Variants in CD164 observed in about 807,000 individuals in gnomAD.
CD164 encodes CD164 molecule, also known as sialomucin core protein 24.
Under a neutral mutation model 24.6 loss-of-function variants are expected in CD164, and 11 were observed. The observed-to-expected ratio is 0.45, with a 90% CI of 0.28 to 0.74. CD164 has a LOEUF of 0.74. Among genes scored for constraint, CD164 ranks in the 30% least tolerant of loss-of-function variants. The pLI is 0.13. For synonymous variants in CD164, 126 were observed against 100.3 expected (o/e 1.26, Z -1.53); for missense variants, 295 against 243.7 (o/e 1.21, Z -1.40).
In CD164 at chr6:109,366,624, G is replaced by C. The variant is rs921207905; in HGVS notation, c.*2227C>G. Reference sequence around the variant, plus strand: ...GAAATGTCTAAATACAGCAGTATCTGCCTGTGCAACAAATATCTGTAAGGT... The same window carrying C: ...GAAATGTCTAAATACAGCAGTATCTCCCTGTGCAACAAATATCTGTAAGGT... On this transcript the variant is annotated 3_prime_UTR_variant, in exon 6 of 6. Transcript: ENST00000310786. 3 of 152,668 alleles carry C rather than the reference G, an allele frequency of 2.0e-5. No individual in the cohort carries two copies. The highest frequency in any genetic ancestry group is 3.4e-3 in the Middle Eastern group (1 of 294). 9.5% of individuals were successfully genotyped at this position (152,668 alleles called of 1,614,324 possible).
chr6:109,372,044 A>G (rs1000960531), intron 4 of CD164: 4 of 152,262 alleles, frequency 2.6e-5, no homozygotes, highest in African/African-American at 7.2e-5. Flanking sequence ...TTTAAAGTAC[A>G]TAACTGAACA....
chr6:109,377,040 G>A (rs532764144), intron 3 of CD164, among the ~76,000 whole-genome samples: 30 of 152,200 alleles, frequency 2.0e-4, no homozygotes, highest in Admixed American at 1.8e-3. Flanking sequence ...GGGAGGCTGA[G>A]GCAGAAGGAT....
At chr6:109,369,428 A>T (rs971659356) in intron 5 of CD164, among the ~76,000 whole-genome samples, 1 of 152,224 alleles carries the variant, frequency 6.6e-6, no homozygotes. Context: ...ATTTGGTTGC[A>T]ATTTTTCATG....
At chr6:109,375,791 A>G (rs1029823042) in intron 4 of CD164, 11 of 323,482 alleles carry the variant, frequency 3.4e-5, no homozygotes, top group South Asian at 8.5e-5. Context: ...TTAGGCTTCT[A>G]TATTTCCCAA....
chr6:109,371,295 G>C (rs1771063762), intron 4 of CD164: 1 of 151,438 alleles, frequency 6.6e-6, no homozygotes, highest in Non-Finnish European at 1.5e-5. Flanking sequence ...CTGTCACCCA[G>C]ACTGGAGTGC....
At chr6:109,369,163 T>C (rs1770945442) in intron 5 of CD164, 146 bp from the exon 6 acceptor site, 2 of 706,776 alleles carry the variant, frequency 2.8e-6, no homozygotes, top group Non-Finnish European at 4.7e-6. Flanking sequence ...TTATCCCTAA[T>C]TGAGGAAGAC....
At position 109,381,550 on chromosome 6, in the gene CD164, C is replaced by T. The variant is rs1254477572; in HGVS notation, c.175+654G>A. On this transcript the variant is annotated intron_variant, in intron 1 of 5. Coordinates refer to ENST00000310786, the MANE Select transcript of CD164 (RefSeq NM_006016.6). ...ACGTACGCAAAACACCCGGTACATA[C>T]ATGGGTACTTTTCTTCCTTTTCGCA... 4 of 702,610 alleles carry T rather than the reference C, an allele frequency of 5.7e-6. No homozygotes were observed. In the East Asian group the frequency reaches 1.1e-4, roughly 19 times the overall value. The allele number at this position is 702,610 out of a possible 1,614,324, so 43.5% of individuals were successfully genotyped here. A position where few individuals can be genotyped will look rare whatever the true frequency, so the allele number is the denominator to read the frequency against.
chr6:109,381,957 T>C (rs1463052988), intron 1 of CD164: 2 of 378,268 alleles, frequency 5.3e-6, no homozygotes, highest in South Asian at 1.5e-4. Flanking sequence ...TTGCAACACT[T>C]CGAGGGGGGC....
intron 4 of CD164, 170 bp downstream of exon 4, chr6:109,375,904 A>C: frequency 3.5e-6 from 2 of 572,810 alleles, no homozygotes; most frequent in South Asian, 4.7e-5. Flanking sequence ...GCTATGTGTC[A>C]CTGTCACAAA....
chr6:109,382,018 TC>T lies in CD164; in HGVS notation c.175+185del, dbSNP rs1213207397. 3 of 447,450 alleles carry T rather than the reference TC, an allele frequency of 6.7e-6. No homozygotes were observed. In the East Asian group the frequency reaches 1.2e-4, roughly 18 times the overall value. The allele number at this position is 447,450 out of a possible 1,614,324, so 27.7% of individuals were successfully genotyped here. A position where few individuals can be genotyped will look rare whatever the true frequency, so the allele number is the denominator to read the frequency against. On this transcript the variant is annotated intron_variant, in intron 1 of 5. Coordinates refer to ENST00000310786, the MANE Select transcript of CD164 (RefSeq NM_006016.6). ...GCGCGTCCGCTTCCCCCCAGCGCGC[TC>T]CCCACCCGGCCCGGCCACGAGTGGA...
chr6:109,369,156 T>A lies in CD164; in HGVS notation c.428-139A>T, dbSNP rs1166701398. 3 of 735,632 alleles carry A rather than the reference T, an allele frequency of 4.1e-6. No homozygotes were observed. In the African/African-American group the frequency reaches 5.4e-5, roughly 13 times the overall value. 45.6% of individuals were successfully genotyped at this position (735,632 alleles called of 1,614,324 possible). ...CTCAAGTCTTTACAGCTAGAATTTA[T>A]CCCTAATTGAGGAAGACAACCATAT... On this transcript the variant is annotated intron_variant, in intron 5 of 5. Coordinates refer to ENST00000310786, the MANE Select transcript of CD164 (RefSeq NM_006016.6).
intron 2 of CD164, among the ~76,000 whole-genome samples, chr6:109,378,781 C>A (rs543977324): frequency 6.6e-6 from 1 of 151,864 alleles, no homozygotes; most frequent in Admixed American, 6.5e-5. Context: ...TAATTTGGCC[C>A]AATTTAGTTA....
chr6:109,382,069 G>A lies in CD164; in HGVS notation c.175+135C>T, dbSNP rs1040534022. ...ACTCCAGGCTGGCCGCCATGTTGCC[G>A]GAGTCGCCGCCGCACCCCGAGCGCG... On this transcript the variant is annotated intron_variant, in intron 1 of 5. Transcript: ENST00000310786. 69 of 707,494 alleles carry A rather than the reference G, an allele frequency of 9.8e-5. 1 individual carries two copies. Among genetic ancestry groups the A allele is most frequent in the Middle Eastern group, 9.2e-4 (2 of 2,184 alleles). The allele number at this position is 707,494 out of a possible 1,614,324, so 43.8% of individuals were successfully genotyped here. A position where few individuals can be genotyped will look rare whatever the true frequency, so the allele number is the denominator to read the frequency against.
At chr6:109,381,867 C>T (rs1697120237) in intron 1 of CD164, 1 of 486,334 alleles carries the variant, frequency 2.1e-6, no homozygotes, top group African/African-American at 2.0e-5. Context: ...ACCGCTGCCC[C>T]CGCGGAAGGA....
intron 4 of CD164, among the ~76,000 whole-genome samples, chr6:109,373,963 CG>C (rs1562238645): frequency 6.6e-6 from 1 of 152,206 alleles, no homozygotes. Context: ...CACACCACTG[CG>C]TAAGTGTTTC....
intron 1 of CD164, chr6:109,381,685 A>T (rs1035555229): frequency 1.5e-6 from 1 of 668,290 alleles, no homozygotes; most frequent in African/African-American, 1.8e-5. Context: ...CTCAGACTCA[A>T]GTCTGAGACA....
chr6:109,373,754 A>AT (rs1771236563), intron 4 of CD164, among the ~76,000 whole-genome samples: 1 of 152,230 alleles, frequency 6.6e-6, no homozygotes, highest in Non-Finnish European at 1.5e-5. Flanking sequence ...AATGTCTTCT[A>AT]ATGAGTGTTA....
chr6:109,374,860 C>A (rs1771305734), intron 4 of CD164, among the ~76,000 whole-genome samples: 1 of 152,220 alleles, frequency 6.6e-6, no homozygotes, highest in Non-Finnish European at 1.5e-5. Context: ...GCTATCACCA[C>A]ATCTGCATCC....
At chr6:109,380,081 T>C (rs1319678041) in intron 1 of CD164, 1 of 150,546 alleles carries the variant, frequency 6.6e-6, no homozygotes, top group Non-Finnish European at 1.5e-5. Flanking sequence ...CTGAGATTTT[T>C]AGTAGTAACA....
Sources: gnomAD v4.1 joint callset for allele counts (sites outside exome capture counted in the v4.1 genomes callset) on GRCh38, gnomAD v4.1.1 for gene constraint, MANE v1.5 for transcripts, NCBI Gene and HGNC (gene_info 2026-07-23, HGNC 2026-07-21) for gene names.